The following MSI2 variants were observed in gnomAD, a reference collection of about 807,000 sequenced individuals.
The protein encoded by MSI2 is RNA-binding protein Musashi homolog 2.
A neutral mutation model predicts 45.6 loss-of-function variants in MSI2; 17 were observed. The ratio of observed to expected loss-of-function variants is 0.37; its 90% CI spans 0.26 to 0.56. MSI2 has a LOEUF of 0.56. Among genes scored for constraint, MSI2 ranks in the 20% least tolerant of loss-of-function variants. The probability of loss-of-function intolerance (pLI) is 0.77; values close to 1 mark genes in which losing one functional copy is unlikely to be tolerated. For synonymous variants in MSI2, 156 were observed against 158.2 expected (o/e 0.99, Z 0.11); for missense variants, 293 against 444.2 (o/e 0.66, Z 3.06).
At chr17:57,339,924 G>A (rs965597216) in intron 5 of MSI2, among the ~76,000 whole-genome samples, 3 of 152,064 alleles carry the variant, frequency 2.0e-5, no homozygotes, top group Admixed American at 6.6e-5. Flanking sequence ...CCAGTGTGGC[G>A]GTCCCTCAGA....
intron 10 of MSI2, among the ~76,000 whole-genome samples, chr17:57,640,249 TC>T (rs1190475874): frequency 2.7e-4 from 41 of 152,244 alleles, no homozygotes; most frequent in African/African-American, 9.4e-4. Context: ...CCCAGCTGCT[TC>T]TCCCTGGCCC....
chr17:57,364,001 C>G (rs1374595842), intron 5 of MSI2, among the ~76,000 whole-genome samples: 3 of 152,178 alleles, frequency 2.0e-5, no homozygotes, highest in African/African-American at 7.2e-5. Flanking sequence ...GCTCCATCCC[C>G]GTGCTGACCT....
In MSI2 at chr17:57,257,078, G is replaced by C; in HGVS notation, c.63-20G>C. 1.4e-6 allele frequency: 2 copies of C among 1,416,192 alleles called. No homozygotes were observed. The highest frequency in any genetic ancestry group is 3.8e-5 in the East Asian group (1 of 26,288). The allele number at this position is 1,416,192 out of a possible 1,614,324, so 87.7% of individuals were successfully genotyped here. ...CGATCTGACATCGGTGCTCACTTCT[G>C]TTATGTTTTCTCCCTCTAGTAAAAT... On this transcript the variant is annotated intron_variant, in intron 1 of 13. Transcript: ENST00000284073.
chr17:57,284,359 T>G (rs1262148208), intron 5 of MSI2, among the ~76,000 whole-genome samples: 2 of 152,086 alleles, frequency 1.3e-5, no homozygotes, highest in Non-Finnish European at 2.9e-5. Context: ...ACGTTTGTAG[T>G]ACAGCTGCTG....
At chr17:57,574,976 GCC>G (rs2087983892) in intron 7 of MSI2, among the ~76,000 whole-genome samples, 1 of 152,004 alleles carries the variant, frequency 6.6e-6, no homozygotes, top group Non-Finnish European at 1.5e-5. Flanking sequence ...GACTGCAGGT[GCC>G]CACCACCACG....
At chr17:57,416,915 G>A (rs9913460) in intron 6 of MSI2, among the ~76,000 whole-genome samples, 1 of 152,174 alleles carries the variant, frequency 6.6e-6, no homozygotes. Context: ...CCCAAGCTAG[G>A]TATTAAGCAC....
chr17:57,312,663 C>T (rs1486443731), intron 5 of MSI2, among the ~76,000 whole-genome samples: 1 of 152,150 alleles, frequency 6.6e-6, no homozygotes, highest in Non-Finnish European at 1.5e-5. Context: ...TTTTTACAGG[C>T]TTGGAAGCCA....
At chr17:57,272,892 T>C (rs1908501756) in intron 5 of MSI2, among the ~76,000 whole-genome samples, 1 of 152,220 alleles carries the variant, frequency 6.6e-6, no homozygotes, top group South Asian at 2.1e-4. Flanking sequence ...AAACACAGTG[T>C]GTATTTACTG....
At chr17:57,431,879 T>C (rs2084600961) in intron 6 of MSI2, among the ~76,000 whole-genome samples, 1 of 152,132 alleles carries the variant, frequency 6.6e-6, no homozygotes, top group Non-Finnish European at 1.5e-5. Flanking sequence ...GTTGGTTCTG[T>C]AGACAGAACA....
At chr17:57,409,737 A>T (rs184393933) in intron 6 of MSI2, among the ~76,000 whole-genome samples, 1 of 152,016 alleles carries the variant, frequency 6.6e-6, no homozygotes, top group Non-Finnish European at 1.5e-5. Context: ...GCACAGGCAC[A>T]GTGGCTCACG....
chr17:57,664,960 G>A (rs1912257554), intron 11 of MSI2, among the ~76,000 whole-genome samples: 2 of 152,188 alleles, frequency 1.3e-5, no homozygotes, highest in South Asian at 4.1e-4. Context: ...AATCTAGCAG[G>A]GTGAGCCTCA....
chr17:57,306,798 T>G (rs914736484), intron 5 of MSI2, among the ~76,000 whole-genome samples: 1 of 152,202 alleles, frequency 6.6e-6, no homozygotes, highest in African/African-American at 2.4e-5. Flanking sequence ...CAGGCTGGAG[T>G]GCAATGGCAT....
chr17:57,383,039 G>T (rs918128097), intron 5 of MSI2, among the ~76,000 whole-genome samples: 1 of 152,358 alleles, frequency 6.6e-6, no homozygotes, highest in East Asian at 1.9e-4. Context: ...CAGGAACAGG[G>T]TGGAGGACCA....
At chr17:57,692,752 T>C in the MSI2 span, among the ~76,000 whole-genome samples, 1 of 152,148 alleles carries the variant, frequency 6.6e-6, no homozygotes, top group East Asian at 1.9e-4. Context: ...TTCAGTACTT[T>C]AAAGATGTTA....
In MSI2 at chr17:57,529,261, C is replaced by T. The variant is rs11868869; in HGVS notation, c.406-415C>T. 0.026 allele frequency among the ~76,000 whole-genome samples: 3,896 copies of T among 152,134 alleles called. 77 individuals carry two copies. The highest frequency in any genetic ancestry group is 0.042 in the South Asian group (202 of 4,794). On this transcript the variant is annotated intron_variant, in intron 6 of 13. Transcript: ENST00000284073. This position sits in a 1 kb window ranked among gnomAD's most constrained non-coding sequence, Gnocchi z 5.3. ...GACCAGTCTGAGCAACATAGTGGGA[C>T]CCTGTCTCTAAAAAAATAAAATAAA...
chr17:57,344,950 C>T (rs577233578), intron 5 of MSI2, among the ~76,000 whole-genome samples: 1 of 152,240 alleles, frequency 6.6e-6, no homozygotes, highest in South Asian at 2.1e-4. Context: ...GTAATCCCAG[C>T]TACTCAGGAG....
intron 6 of MSI2, chr17:57,432,712 G>T (rs984030363): frequency 6.5e-6 from 1 of 152,718 alleles, no homozygotes; most frequent in Admixed American, 6.5e-5. Flanking sequence ...ACTGACTCCA[G>T]TCTGGTCTCC....
chr17:57,615,924 C>A, intron 8 of MSI2, 46 bp from the exon 9 acceptor site: 2 of 1,415,888 alleles, frequency 1.4e-6, no homozygotes, highest in Non-Finnish European at 2.0e-6. Context: ...TTGACATTTA[C>A]GTGGAATTCA....
At chr17:57,563,201 T>C (rs551429039) in intron 7 of MSI2, among the ~76,000 whole-genome samples, 24 of 152,176 alleles carry the variant, frequency 1.6e-4, no homozygotes, top group African/African-American at 3.4e-4. Context: ...ATTTTTTTTA[T>C]ATCCGTCACC....
Sources: gnomAD v4.1 joint callset for allele counts (sites outside exome capture counted in the v4.1 genomes callset) on GRCh38, gnomAD v4.1.1 for gene constraint, Gnocchi (gnomAD v3.1) non-coding constraint, MANE v1.5 for transcripts, NCBI Gene and HGNC (gene_info 2026-07-23, HGNC 2026-07-21) for gene names.